KANK1: variants seen among roughly 807,000 people sequenced by gnomAD.
KANK1 encodes KN motif and ankyrin repeat domains 1, also known as KN motif and ankyrin repeat domain-containing protein 1.
KANK1 carries 109 observed loss-of-function variants against 106.2 expected under a neutral mutation model. That is an observed-to-expected ratio of 1.03 (90% CI 0.88 to 1.20). KANK1 has a LOEUF of 1.20. Ranked by LOEUF, KANK1 falls within the 50% of genes most tolerant of loss-of-function variation. The pLI is 0.00. For synonymous variants in KANK1, 873 were observed against 652.2 expected, an observed-to-expected ratio of 1.34 and a Z score of -5.16; for missense variants, 2,399 against 1,710.7, an observed-to-expected ratio of 1.40 and a Z score of -7.10.
chr9:582,013 C>T lies in KANK1; in HGVS notation c.-84+77259C>T, dbSNP rs941502089. 3.9e-5 allele frequency among the ~76,000 whole-genome samples: 6 copies of T among 152,250 alleles called. No homozygotes were observed. In the East Asian group the frequency reaches 9.6e-4, roughly 24 times the overall value. On this transcript the variant is annotated intron_variant, in intron 1 of 11. Transcript: ENST00000382297. ...CCTCAAGAAGGTAAGCCAGAGCCCT[C>T]GACCCTTGTGAATGAGGAAATTTCA...
chr9:515,346 A>T (rs1043451187), intron 1 of KANK1, among the ~76,000 whole-genome samples: 1 of 148,018 alleles, frequency 6.8e-6, no homozygotes, highest in African/African-American at 2.5e-5. Flanking sequence ...CTCCTTCTCA[A>T]AAAAAAAAAA....
chr9:711,543 C>T lies in KANK1; in HGVS notation c.777C>T (p.His259=), dbSNP rs867360102. The T allele has an allele frequency of 6.2e-7, 1 of 1,613,786 alleles. No homozygotes were observed. The highest frequency in any genetic ancestry group is 8.5e-7 in the Non-Finnish European group (1 of 1,179,826). Residue 259 remains histidine (H), a synonymous_variant, in exon 3 of 12, where the codon CAC becomes CAT. Coordinates refer to ENST00000382297, the MANE Select transcript of KANK1 (RefSeq NM_015158.5). ...CAGTGACCAACGTGAGCCCCATGCACCTGCAGCACATCCGCGAGCAGATGG... is the reference window on the plus strand; with the variant it reads ...CAGTGACCAACGTGAGCCCCATGCATCTGCAGCACATCCGCGAGCAGATGG... The part of the protein sequence containing the change: ...STPVTNVSPM[H]LQHIREQMAI...
At chr9:626,946 A>G (rs1834496501) in intron 1 of KANK1, among the ~76,000 whole-genome samples, 1 of 152,074 alleles carries the variant, frequency 6.6e-6, no homozygotes, top group Non-Finnish European at 1.5e-5. Context: ...GGTGCTTCTC[A>G]GTCTCTTCAC....
At chr9:641,450 A>G (rs76869934) in intron 1 of KANK1, among the ~76,000 whole-genome samples, 14,087 of 152,188 alleles carry the variant, frequency 0.093, 1,736 homozygotes, top group African/African-American at 0.27. Flanking sequence ...TCCAAGAGAC[A>G]GGTTTCTTTT....
intron 1 of KANK1, among the ~76,000 whole-genome samples, chr9:521,079 A>C (rs1354927359): frequency 4.0e-5 from 6 of 151,806 alleles, no homozygotes; most frequent in Non-Finnish European, 5.9e-5. Context: ...GAAACTGATG[A>C]ACTGTTGCTG....
At chr9:600,235 T>G (rs1354709945) in intron 1 of KANK1, among the ~76,000 whole-genome samples, 1 of 151,770 alleles carries the variant, frequency 6.6e-6, no homozygotes, top group East Asian at 1.9e-4. Context: ...TTCTACTTTC[T>G]GTCTCTGTAA....
chr9:688,467 G>A (rs139139524), intron 2 of KANK1, among the ~76,000 whole-genome samples: 121 of 152,212 alleles, frequency 7.9e-4, no homozygotes, highest in Non-Finnish European at 1.5e-3. Context: ...TTAGCTGGGC[G>A]TCGCAGCGGG....
chr9:722,325 C>G (rs1274893630), intron 3 of KANK1, among the ~76,000 whole-genome samples: 2 of 151,780 alleles, frequency 1.3e-5, no homozygotes, highest in East Asian at 3.9e-4. Flanking sequence ...CTCTCTCTCT[C>G]TCTCTGTCTC....
intron 1 of KANK1, among the ~76,000 whole-genome samples, chr9:608,008 T>A (rs1049762260): frequency 7.2e-6 from 1 of 138,596 alleles, no homozygotes; most frequent in Non-Finnish European, 1.5e-5. Context: ...TAAAAAACTT[T>A]CAGAATTATT....
intron 1 of KANK1, among the ~76,000 whole-genome samples, chr9:536,365 A>T (rs1451633502): frequency 2.0e-5 from 3 of 151,704 alleles, no homozygotes; most frequent in South Asian, 2.1e-4. Context: ...AAAAGCACAC[A>T]TTTTTTTATA....
chr9:738,154 T>C, intron 7 of KANK1, 131 bp from the exon 8 acceptor site: 4 of 699,626 alleles, frequency 5.7e-6, no homozygotes, highest in Non-Finnish European at 2.4e-6. Flanking sequence ...CTTAGGGCTG[T>C]TGGTTTTTGA....
At chr9:691,431 TA>T (rs958811097) in intron 2 of KANK1, among the ~76,000 whole-genome samples, 52 of 150,386 alleles carry the variant, frequency 3.5e-4, no homozygotes, top group African/African-American at 7.3e-4. Flanking sequence ...TATTTATTAT[TA>T]TTTTTTTTAA....
At chr9:517,761 CAG>C (rs1563703272) in intron 1 of KANK1, among the ~76,000 whole-genome samples, 2 of 131,972 alleles carry the variant, frequency 1.5e-5, no homozygotes, top group Non-Finnish European at 3.1e-5. Flanking sequence ...TTTTTTGAGA[CAG>C]AGTCTCGCTC....
chr9:482,154 G>A (rs756632854), intron 3 of KANK1, among the ~76,000 whole-genome samples: 8 of 152,032 alleles, frequency 5.3e-5, no homozygotes, highest in East Asian at 1.9e-4. Context: ...CCTTGTATTC[G>A]CCTGGTACAT....
chr9:730,058 T>G lies in KANK1; in HGVS notation c.2706T>G (p.Tyr902Ter). ...KTSLGKITGN[Y>*]LGYTCKCGGL... ...CTTTCTTTTTCCTGATAGGCAATTA[T>G]TTGGGATATACCTGTAAGTGTGGGG... The change falls in exon 4 of 12, where the codon TAT (tyrosine) becomes TAG (stop). Residue 902 changes from tyrosine (Y) to a stop codon, truncating the protein, a stop_gained. Coordinates refer to ENST00000382297, the MANE Select transcript of KANK1 (RefSeq NM_015158.5). LOFTEE classifies it high-confidence loss of function. 3 of 1,614,046 alleles carry G rather than the reference T, an allele frequency of 1.9e-6. No individual in the cohort carries two copies. The highest frequency in any genetic ancestry group is 2.5e-6 in the Non-Finnish European group (3 of 1,179,930).
At chr9:732,760 T>A in intron 6 of KANK1, 143 bp downstream of exon 6, 1 of 863,884 alleles carries the variant, frequency 1.2e-6, no homozygotes, top group Non-Finnish European at 1.8e-6. Context: ...GATACTAATA[T>A]ATACAAGTGC....
chr9:745,078 G>A (rs1470284498), intron 11 of KANK1, 95 bp from the exon 12 acceptor site: 21 of 1,548,150 alleles, frequency 1.4e-5, no homozygotes, highest in Non-Finnish European at 1.8e-5. Context: ...ACAGCTGCTT[G>A]TTGCCTGTGG....
intron 8 of KANK1, among the ~76,000 whole-genome samples, chr9:739,101 G>C (rs538000754): frequency 3.3e-5 from 5 of 152,148 alleles, no homozygotes; most frequent in Non-Finnish European, 7.4e-5. Context: ...GTAGAAACTT[G>C]TTATCCCAGA....
intron 1 of KANK1, among the ~76,000 whole-genome samples, chr9:627,640 G>T (rs1052660036): frequency 4.6e-5 from 7 of 152,180 alleles, no homozygotes; most frequent in African/African-American, 1.7e-4. Context: ...TCTTCAGTCT[G>T]CTATTTTGAA....
Sources: allele counts gnomAD v4.1 joint callset (sites outside exome capture counted in the v4.1 genomes callset), GRCh38; gene constraint gnomAD v4.1.1; transcripts MANE v1.5; gene names NCBI Gene and HGNC (gene_info 2026-07-23, HGNC 2026-07-21).